VSIG10L: variants seen among roughly 807,000 people sequenced by gnomAD.
VSIG10L encodes the protein V-set and immunoglobulin domain containing 10 like, also known as V-set and immunoglobulin domain-containing protein 10-like.
Under a neutral mutation model 67.3 loss-of-function variants are expected in VSIG10L, and 63 were observed. The observed-to-expected ratio is 0.94, with a 90% CI of 0.76 to 1.15. VSIG10L has a LOEUF of 1.15. VSIG10L is among the 50% of genes most tolerant of loss of function. VSIG10L has a pLI of 0.00. For synonymous variants in VSIG10L, 499 were observed against 524.9 expected (o/e 0.95, Z 0.67); for missense variants, 1,050 against 1,177.5 (o/e 0.89, Z 1.58).
Position 51,341,876 on chromosome 19 carries a change from G to T in VSIG10L, c.172C>A (p.Pro58Thr). 1 of 1,551,674 alleles carries T rather than the reference G, an allele frequency of 6.4e-7. No homozygotes were observed. The highest frequency in any genetic ancestry group is 8.7e-7 in the Non-Finnish European group (1 of 1,146,984). ...LGVEVPSIKPPSWKVPDQFLD... is the reference protein window; with the variant it reads ...LGVEVPSIKPTSWKVPDQFLD... ...AACTGATCTGGAACTTTCCAGCTGG[G>T]AGGTTTGATGGAGGGAACTTCCACA... Residue 58 changes from proline to threonine, a missense_variant, in exon 2 of 10, where the codon CCC becomes ACC. By Grantham distance (38) the Pro-to-Thr change is conservative (BLOSUM62 -1). This residue lies in a region of VSIG10L where 511 missense variants were observed against 557.9 expected (regional missense o/e 0.92). Transcript: ENST00000335624.
rs375513138 is a variant in VSIG10L, at chr19:51,333,921, T to C, written c.2444A>G (p.His815Arg). 21 of 1,551,538 alleles carry C rather than the reference T, an allele frequency of 1.4e-5. No homozygotes were observed. The highest frequency in any genetic ancestry group is 1.6e-5 in the Non-Finnish European group (18 of 1,146,966). ...GACCACGGGGACCAAGGTAGAAGGA[T>C]GCTTCTTTTTCTCAGGAGTCTTTCC... ...FRGKTPEKKK[H>R]PSTLVPVVTP... The change falls in exon 9 of 10, where the codon CAT (histidine) becomes CGT (arginine). Residue 815 changes from histidine (H) to arginine (R), a missense_variant. Physicochemically the swap from His to Arg is conservative, Grantham distance 29. Transcript: ENST00000335624.
At chr19:51,336,577 A>AAGG (rs1166103625) in intron 7 of VSIG10L, among the ~76,000 whole-genome samples, 1 of 151,782 alleles carries the variant, frequency 6.6e-6, no homozygotes, top group Non-Finnish European at 1.5e-5. Context: ...GGAGAAGGAG[A>AAGG]AGAAGAAGAA....
At chr19:51,338,848 C>T (rs947820080) in intron 5 of VSIG10L, 40 bp downstream of exon 5, 19 of 1,353,452 alleles carry the variant, frequency 1.4e-5, no homozygotes, top group African/African-American at 3.1e-5. Context: ...AAGTCTCCCT[C>T]CTCCTCGAGA....
rs890752848 is a variant in VSIG10L at position 51,337,277 on chromosome 19, G to A, written c.2266C>T (p.Gln756Ter). The A allele has an allele frequency of 9.7e-6, 15 of 1,550,802 alleles. 1 individual carries two copies. In the Middle Eastern group the frequency reaches 5.2e-4, roughly 54 times the overall value. The part of the protein sequence containing the change: ...TFRILPILGG[Q>*]PGTPSQSRVY... ...CGGCTTTGTGATGGAGTCCCTGGCTGGCCCCCCAGGATGGGCAGGATCCGA... is the reference window on the plus strand; with the variant it reads ...CGGCTTTGTGATGGAGTCCCTGGCTAGCCCCCCAGGATGGGCAGGATCCGA... Residue 756 changes from glutamine to a stop codon, truncating the protein, a stop_gained, in exon 7 of 10, where the codon CAG (glutamine) becomes TAG (stop). Transcript: ENST00000335624. LOFTEE classifies it high-confidence loss of function.
Position 51,340,974 on chromosome 19 carries a change from A to AGACCTGGGAGTTCAGGC in VSIG10L, c.895+178_895+179insGCCTGAACTCCCAGGTC. Reference sequence around the variant, plus strand: ...GGAGTTCAGGCTCCCAGGAGTCTCCATCCCAGGTCCACCTTTGCTCAGACA... The same window carrying AGACCTGGGAGTTCAGGC: ...GGAGTTCAGGCTCCCAGGAGTCTCCAGACCTGGGAGTTCAGGCTCCCAGGTCCACCTTTGCTCAGACA... On this transcript the variant is annotated intron_variant, in intron 2 of 9. Coordinates refer to ENST00000335624, the MANE Select transcript of VSIG10L (RefSeq NM_001163922.3). This position sits in a 1 kb window ranked among gnomAD's most constrained non-coding sequence, Gnocchi z 6.3. The AGACCTGGGAGTTCAGGC allele has an allele frequency of 9.7e-7, 1 of 1,035,724 alleles. No homozygotes were observed. The highest frequency in any genetic ancestry group is 1.3e-6 in the Non-Finnish European group (1 of 763,436). The allele number at this position is 1,035,724 out of a possible 1,614,324, so 64.2% of individuals were successfully genotyped here.
At chr19:51,335,576 C>T (rs966015374) in intron 7 of VSIG10L, among the ~76,000 whole-genome samples, 3 of 152,128 alleles carry the variant, frequency 2.0e-5, no homozygotes, top group African/African-American at 4.8e-5. Context: ...GGGAAAACAT[C>T]GAAAGATCTG....
At chr19:51,336,190 C>T (rs978265140) in intron 7 of VSIG10L, among the ~76,000 whole-genome samples, 7 of 152,226 alleles carry the variant, frequency 4.6e-5, no homozygotes, top group African/African-American at 1.7e-4. Context: ...GGAATAAGGT[C>T]TTTGAAGATG....
Position 51,337,341 on chromosome 19 carries a change from C to T in VSIG10L, c.2202G>A (p.Val734=). The change falls in exon 7 of 10, where the codon GTG becomes GTA. Residue 734 remains valine (V), a synonymous_variant. Transcript: ENST00000335624. ...CTGGGTTCCGAGGTGGAAGGGGCACCACGGCTGACCGCTCCTGAGGCCCCA... is the reference window on the plus strand; with the variant it reads ...CTGGGTTCCGAGGTGGAAGGGGCACTACGGCTGACCGCTCCTGAGGCCCCA... The part of the protein sequence containing the change: ...LILGPQERSA[V]VPLPPRNPGT... 1.3e-6 allele frequency: 2 copies of T among 1,551,474 alleles called. No homozygotes were observed. Among genetic ancestry groups the T allele is most frequent in the South Asian group, 2.4e-5 (2 of 84,040 alleles).
At position 51,332,098 on chromosome 19, in the gene VSIG10L, T is replaced by G; in HGVS notation, c.*513A>C. The G allele has an allele frequency of 1.2e-5, 2 of 167,732 alleles. No homozygotes were observed. Among genetic ancestry groups the G allele is most frequent in the South Asian group, 1.3e-4 (1 of 7,624 alleles). The allele number at this position is 167,732 out of a possible 1,614,324, so 10.4% of individuals were successfully genotyped here. Reference sequence around the variant, plus strand: ...GGCCAACAGAGGCCAGACCACAAGGTTTTGAAGGTCACGACGATGAGTTTG... The same window carrying G: ...GGCCAACAGAGGCCAGACCACAAGGGTTTGAAGGTCACGACGATGAGTTTG... On this transcript the variant is annotated 3_prime_UTR_variant, in exon 10 of 10. Transcript: ENST00000335624.
chr19:51,337,270 C>T lies in VSIG10L; in HGVS notation c.2273G>A (p.Gly758Glu). Residue 758 changes from glycine to glutamate, a missense_variant, in exon 7 of 10, where the codon GGG becomes GAG. Physicochemically the swap from Gly to Glu is moderately conservative, Grantham distance 98. This residue lies in a region of VSIG10L where 529 missense variants were observed against 584.9 expected (regional missense o/e 0.90). Coordinates refer to ENST00000335624, the MANE Select transcript of VSIG10L (RefSeq NM_001163922.3). ...GTAGACCCGGCTTTGTGATGGAGTC[C>T]CTGGCTGGCCCCCCAGGATGGGCAG... Reference protein sequence around the residue: ...RILPILGGQPGTPSQSRVYRA... With the variant: ...RILPILGGQPETPSQSRVYRA... 1 of 1,550,524 alleles carries T rather than the reference C, an allele frequency of 6.4e-7. No homozygotes were observed. The highest frequency in any genetic ancestry group is 1.4e-5 in the African/African-American group (1 of 73,126).
In VSIG10L at chr19:51,339,083, G is replaced by T; in HGVS notation, c.1534C>A (p.Arg512Ser). ...CCGCCGGGCCACGAGCAGCGGAAGCGGAGGCTGCGGTCCCCGGGACCCCCT... is the reference window on the plus strand; with the variant it reads ...CCGCCGGGCCACGAGCAGCGGAAGCTGAGGCTGCGGTCCCCGGGACCCCCT... Reference protein sequence around the residue: ...VEGGPGDRSLRFRCSWPGGAP... With the variant: ...VEGGPGDRSLSFRCSWPGGAP... Residue 512 changes from arginine (R) to serine (S), a missense_variant, in exon 5 of 10, where the codon CGC (arginine) becomes AGC (serine). Physicochemically the swap from Arg to Ser is moderately radical, Grantham distance 110. Coordinates refer to ENST00000335624, the MANE Select transcript of VSIG10L (RefSeq NM_001163922.3). 1 of 1,340,204 alleles carries T rather than the reference G, an allele frequency of 7.5e-7. No homozygotes were observed. Among genetic ancestry groups the T allele is most frequent in the Non-Finnish European group, 9.6e-7 (1 of 1,038,034 alleles). 83.0% of individuals were successfully genotyped at this position (1,340,204 alleles called of 1,614,324 possible). A position where few individuals can be genotyped will look rare whatever the true frequency, so the allele number is the denominator to read the frequency against.
chr19:51,337,343 C>T lies in VSIG10L; in HGVS notation c.2200G>A (p.Val734Met), dbSNP rs201902240. The T allele has an allele frequency of 1.7e-3, 2,623 of 1,551,564 alleles. 4 individuals carry two copies. Among genetic ancestry groups the T allele is most frequent in the Middle Eastern group, 4.2e-3 (25 of 5,988 alleles). The stretch of plus-strand genomic sequence containing the variant: ...GGGTTCCGAGGTGGAAGGGGCACCA[C>T]GGCTGACCGCTCCTGAGGCCCCAGG... Reference protein sequence around the residue: ...LILGPQERSAVVPLPPRNPGT... With the variant: ...LILGPQERSAMVPLPPRNPGT... The change falls in exon 7 of 10, where the codon GTG becomes ATG. Residue 734 changes from valine to methionine, a missense_variant. Transcript: ENST00000335624.
Position 51,337,306 on chromosome 19 carries a change from G to C in VSIG10L, c.2237C>G (p.Thr746Ser). 1 of 1,551,674 alleles carries C rather than the reference G, an allele frequency of 6.4e-7. No homozygotes were observed. Among genetic ancestry groups the C allele is most frequent in the Non-Finnish European group, 8.7e-7 (1 of 1,146,994 alleles). ...PLPPRNPGTW[T>S]FRILPILGGQ... ...CCCCAGGATGGGCAGGATCCGAAAG[G>C]TCCAGGTCCCTGGGTTCCGAGGTGG... Residue 746 changes from threonine (T) to serine (S), a missense_variant, in exon 7 of 10, where the codon ACC (threonine) becomes AGC (serine). Thr to Ser is a moderately conservative substitution (Grantham distance 58). This residue lies in a region of VSIG10L where 529 missense variants were observed against 584.9 expected (regional missense o/e 0.90). Transcript: ENST00000335624.
intron 4 of VSIG10L, chr19:51,339,605 C>G (rs1985572769): frequency 4.8e-6 from 1 of 209,440 alleles, no homozygotes; most frequent in Non-Finnish European, 9.4e-6. Context: ...GTAACTTCTC[C>G]CTTTGCTGAT....
chr19:51,340,680 C>A lies in VSIG10L; in HGVS notation c.942G>T (p.Glu314Asp). 1 of 1,527,316 alleles carries A rather than the reference C, an allele frequency of 6.5e-7. No homozygotes were observed. The allele number at this position is 1,527,316 out of a possible 1,614,324, so 94.6% of individuals were successfully genotyped here. A position where few individuals can be genotyped will look rare whatever the true frequency, so the allele number is the denominator to read the frequency against. ...LSVQPKAPET[E>D]EGAAELRLRC... ...GCAGCCGGAGCTCGGCCGCCCCCTC[C>A]TCTGTCTCTGGAGCCTTGGGCTGAA... The change falls in exon 3 of 10, where the codon GAG (glutamate) becomes GAT (aspartate). Residue 314 changes from glutamate (E) to aspartate (D), a missense_variant. This residue lies in a region of VSIG10L where 511 missense variants were observed against 557.9 expected (regional missense o/e 0.92). Transcript: ENST00000335624. This position sits in a 1 kb window ranked among gnomAD's most constrained non-coding sequence, Gnocchi z 6.3.
rs528921846 is a variant in VSIG10L at position 51,341,340 on chromosome 19, C to A, written c.708G>T (p.Gly236=). 2 of 1,541,586 alleles carry A rather than the reference C, an allele frequency of 1.3e-6. No individual in the cohort carries two copies. Among genetic ancestry groups the A allele is most frequent in the Admixed American group, 2.0e-5 (1 of 50,444 alleles). ...WRRGSKVLAA[G]GLGPGAPLIS... ...TCAGAGGTGCCCCTGGCCCCAGGCC[C>A]CCAGCTGCCAGCACCTTTGAGCCCC... is the stretch of plus-strand genomic sequence containing the variant. The change falls in exon 2 of 10, where the codon GGG becomes GGT. Residue 236 remains glycine, a synonymous_variant. Transcript: ENST00000335624.
In VSIG10L at chr19:51,340,395, G is replaced by A. The variant is rs1264153277; in HGVS notation, c.1189+38C>T. ...GGGTCCCCAGCCCGCTTCTCCCCAA[G>A]GACCCCCTGTCCCCGACCCGAGGCA... On this transcript the variant is annotated intron_variant, in intron 3 of 9. Coordinates refer to ENST00000335624, the MANE Select transcript of VSIG10L (RefSeq NM_001163922.3). This position sits in a 1 kb window ranked among gnomAD's most constrained non-coding sequence, Gnocchi z 6.3. 2 of 1,462,624 alleles carry A rather than the reference G, an allele frequency of 1.4e-6. No homozygotes were observed. The highest frequency in any genetic ancestry group is 1.8e-6 in the Non-Finnish European group (2 of 1,106,272). 90.6% of individuals were successfully genotyped at this position (1,462,624 alleles called of 1,614,324 possible). A position where few individuals can be genotyped will look rare whatever the true frequency, so the allele number is the denominator to read the frequency against.
chr19:51,338,899 G>A lies in VSIG10L; in HGVS notation c.1718C>T (p.Thr573Ile). The change falls in exon 5 of 10, where the codon ACA becomes ATA. Residue 573 changes from threonine (T) to isoleucine (I), a missense_variant. Physicochemically the swap from Thr to Ile is moderately conservative, Grantham distance 89 (BLOSUM62 -1). Transcript: ENST00000335624. ...CCGCGCCCTCTCACCCGGCGTGACT[G>A]TGCAGGTACGCGTGGCCACCAGGTG... The part of the protein sequence containing the change: ...ARHLVATRTC[T>I]VTPEAPREVL... 1.7e-5 allele frequency: 24 copies of A among 1,434,386 alleles called. No individual in the cohort carries two copies. The highest frequency in any genetic ancestry group is 2.2e-5 in the Non-Finnish European group (24 of 1,090,440). The allele number at this position is 1,434,386 out of a possible 1,614,324, so 88.9% of individuals were successfully genotyped here.
chr19:51,337,602 G>A, intron 6 of VSIG10L, 68 bp from the exon 7 acceptor site: 2 of 1,251,306 alleles, frequency 1.6e-6, no homozygotes, highest in Non-Finnish European at 2.1e-6. Flanking sequence ...CTGGGGGGCT[G>A]GGCTCCTGGG....
Sources: allele counts gnomAD v4.1 joint callset (sites outside exome capture counted in the v4.1 genomes callset), GRCh38; gene constraint gnomAD v4.1.1; regional missense constraint gnomAD v4.1.1; non-coding constraint Gnocchi (gnomAD v3.1); transcripts MANE v1.5; gene names NCBI Gene and HGNC (gene_info 2026-07-23, HGNC 2026-07-21).